COL1A2: variants seen among roughly 807,000 people sequenced by gnomAD.
COL1A2 encodes the protein collagen type I alpha 2 chain.
COL1A2 carries 49 observed loss-of-function variants against 174.3 expected under a neutral mutation model. The observed-to-expected ratio is 0.28, with a 90% confidence interval of 0.22 to 0.36. COL1A2 has a LOEUF of 0.36. Ranked by LOEUF, COL1A2 falls within the 10% of genes least tolerant of loss-of-function variation. The pLI, the probability that COL1A2 is intolerant of heterozygous loss-of-function variation, is 1.00. For missense variants in COL1A2, 1,438 were observed against 1,822.7 expected, an observed-to-expected ratio of 0.79 and a Z score of 3.84; for synonymous variants, 655 against 606.6, an observed-to-expected ratio of 1.08 and a Z score of -1.17.
In COL1A2 at chr7:94,405,735, A is replaced by C. The variant is rs762614380; in HGVS notation, c.540+9A>C. The C allele has an allele frequency of 6.2e-7, 1 of 1,611,038 alleles. No homozygotes were observed. ...GCTTCAAAGGCATTAGGGTGAGCAC[A>C]TTCTTTACTCAGAAGAGAGAAAATG... On this transcript the variant is annotated intron_variant, in intron 11 of 51. Coordinates refer to ENST00000297268, the MANE Select transcript of COL1A2 (RefSeq NM_000089.4).
At chr7:94,399,703 T>C (rs531171224) in intron 4 of COL1A2, among the ~76,000 whole-genome samples, 1 of 152,242 alleles carries the variant, frequency 6.6e-6, no homozygotes, top group African/African-American at 2.4e-5. Context: ...AGTTAATTAT[T>C]TTAACAATAC....
chr7:94,429,427 C>T lies in COL1A2; in HGVS notation c.3951C>T (p.Cys1317=), dbSNP rs747369521. 9 of 1,613,746 alleles carry T rather than the reference C, an allele frequency of 5.6e-6. No homozygotes were observed. The African/African-American group carries it at 9.4e-5, about 17-fold the overall frequency. ...RFTYTVLVDG[C]SKKTNEWGKT... ...CTTACACTGTTCTTGTAGATGGCTG[C>T]TCTGTAAGTAATAGTGAAATATGGG... The change falls in exon 51 of 52, where the codon TGC becomes TGT. Residue 1317 remains cysteine, a synonymous_variant. Coordinates refer to ENST00000297268, the MANE Select transcript of COL1A2 (RefSeq NM_000089.4).
chr7:94,410,555 A>G (rs1186312037), intron 21 of COL1A2, 28 bp downstream of exon 21: 2 of 1,512,218 alleles, frequency 1.3e-6, no homozygotes, highest in African/African-American at 2.8e-5. Context: ...CCAACACCCT[A>G]ACACACCAGA....
In COL1A2 at chr7:94,397,778, G is replaced by A. The variant is rs1437888638; in HGVS notation, c.81+20G>A. 3.2e-6 allele frequency: 4 copies of A among 1,260,730 alleles called. No individual in the cohort carries two copies. The highest frequency in any genetic ancestry group is 1.5e-5 in the African/African-American group (1 of 65,938). 78.1% of individuals were successfully genotyped at this position (1,260,730 alleles called of 1,614,324 possible). ...CAAGAGGTGAGTAAAACTTTTTTTA[G>A]AATTTTTAAAAATACTTTGATTCCC... On this transcript the variant is annotated intron_variant, in intron 2 of 51. Transcript: ENST00000297268.
chr7:94,412,172 T>A (rs781410270), intron 24 of COL1A2, 51 bp downstream of exon 24: 1 of 1,476,254 alleles, frequency 6.8e-7, no homozygotes, highest in South Asian at 1.2e-5. Context: ...TATTGCACCC[T>A]TATCAAGTCT....
At chr7:94,420,135 T>A (rs1400307405) in intron 34 of COL1A2, 98 bp from the exon 35 acceptor site, 1 of 1,492,612 alleles carries the variant, frequency 6.7e-7, no homozygotes, top group African/African-American at 1.4e-5. Flanking sequence ...CCAAGGCAAC[T>A]ACAGACTCTG....
intron 23 of COL1A2, among the ~76,000 whole-genome samples, 185 bp downstream of exon 23, chr7:94,411,339 A>G (rs1354687552): frequency 1.3e-5 from 2 of 152,110 alleles, no homozygotes; most frequent in Non-Finnish European, 2.9e-5. Context: ...TAGTTCATAA[A>G]TTTTCTATTT....
chr7:94,409,053 T>C (rs1482987575), intron 16 of COL1A2, among the ~76,000 whole-genome samples: 1 of 152,116 alleles, frequency 6.6e-6, no homozygotes, highest in Non-Finnish European at 1.5e-5. Context: ...ATGGAAATTG[T>C]CTCTAGGACT....
intron 34 of COL1A2, 40 bp downstream of exon 34, chr7:94,419,591 A>C: frequency 6.2e-7 from 1 of 1,612,150 alleles, no homozygotes; most frequent in Non-Finnish European, 8.5e-7. Context: ...CAATATCTAA[A>C]ATTTCCCGCC....
chr7:94,429,519 G>A (rs906478835), intron 51 of COL1A2, 89 bp downstream of exon 51: 1 of 1,420,886 alleles, frequency 7.0e-7, no homozygotes, highest in Non-Finnish European at 9.8e-7. Context: ...GGTCTAAAGG[G>A]GGGTTAAAAG....
chr7:94,423,298 G>A, intron 40 of COL1A2, 180 bp downstream of exon 40: 1 of 694,830 alleles, frequency 1.4e-6, no homozygotes, highest in Non-Finnish European at 2.5e-6. Flanking sequence ...AAGATGCTCA[G>A]AAAGCACAAA....
chr7:94,411,630 A>G (rs1277311498), intron 23 of COL1A2, among the ~76,000 whole-genome samples: 2 of 152,218 alleles, frequency 1.3e-5, no homozygotes, highest in Non-Finnish European at 2.9e-5. Flanking sequence ...ATAGCAATAG[A>G]GTAATTTTTT....
intron 25 of COL1A2, 78 bp downstream of exon 25, chr7:94,412,760 C>A (rs539802425): frequency 1.6e-6 from 2 of 1,216,008 alleles, no homozygotes; most frequent in Non-Finnish European, 1.2e-6. Flanking sequence ...TTATCTCCTG[C>A]GAATCAGTCC....
chr7:94,429,744 C>T, intron 51 of COL1A2: 1 of 295,628 alleles, frequency 3.4e-6, no homozygotes, highest in Non-Finnish European at 6.3e-6. Flanking sequence ...TAATGTGTGC[C>T]CAGAACTTAA....
intron 29 of COL1A2, 42 bp downstream of exon 29, chr7:94,414,317 G>A (rs768146832): frequency 6.4e-7 from 1 of 1,562,216 alleles, no homozygotes; most frequent in South Asian, 1.1e-5. Context: ...TACTAAACTT[G>A]AGAATTTCCC....
chr7:94,418,612 T>C, intron 33 of COL1A2, 60 bp downstream of exon 33: 1 of 1,442,058 alleles, frequency 6.9e-7, no homozygotes, highest in South Asian at 1.2e-5. Flanking sequence ...ATGTTTGAAT[T>C]GAGAAGTTTT....
chr7:94,422,035 C>T (rs1485174416), intron 39 of COL1A2, 83 bp downstream of exon 39: 12 of 1,122,130 alleles, frequency 1.1e-5, no homozygotes, highest in Non-Finnish European at 1.3e-5. Flanking sequence ...AGAAACTCTT[C>T]ATGAAAACAC....
intron 50 of COL1A2, 115 bp from the exon 51 acceptor site, chr7:94,429,073 G>T: frequency 1.2e-6 from 1 of 865,828 alleles, no homozygotes; most frequent in South Asian, 1.7e-5. Flanking sequence ...CCTAAGCTTG[G>T]ATCTGAGTCT....
chr7:94,429,108 C>CTTTTTTTTTTTTTTTCTT, intron 50 of COL1A2, 80 bp from the exon 51 acceptor site: 1 of 815,866 alleles, frequency 1.2e-6, no homozygotes, highest in Non-Finnish European at 1.8e-6. Context: ...CTTTTTTTTT[C>CTTTTTTTTTTTTTTTCTT]TTTTTTTTTT....
Sources: allele counts gnomAD v4.1 joint callset (sites outside exome capture counted in the v4.1 genomes callset), GRCh38; gene constraint gnomAD v4.1.1; transcripts MANE v1.5; gene names NCBI Gene and HGNC (gene_info 2026-07-23, HGNC 2026-07-21).